The following SLC1A2 variants were observed in gnomAD, a reference collection of about 807,000 sequenced individuals.
SLC1A2 encodes the protein solute carrier family 1 member 2, also known as excitatory amino acid transporter 2.
SLC1A2 carries 15 observed loss-of-function variants against 48.8 expected under a neutral mutation model. That is an observed-to-expected ratio of 0.31 (90% CI 0.21 to 0.47). The LOEUF is 0.47. Among genes scored for constraint, SLC1A2 ranks in the 20% least tolerant of loss-of-function variants. The pLI is 0.99. For synonymous variants in SLC1A2, 279 were observed against 272.6 expected, an observed-to-expected ratio of 1.02 and a Z score of -0.23; for missense variants, 502 against 730.5, an observed-to-expected ratio of 0.69 and a Z score of 3.61.
rs1000683195 is a variant in SLC1A2 at position 35,312,110 on chromosome 11, C to T, written c.561+88G>A. ...AATTATATATTTAGAAAATTTCTAC[C>T]CAGAGTTGGTCTGTTAAAATACTCT... On this transcript the variant is annotated intron_variant, in intron 4 of 10. Coordinates refer to ENST00000278379, the MANE Select transcript of SLC1A2 (RefSeq NM_004171.4). 1.2e-5 allele frequency: 16 copies of T among 1,340,856 alleles called. No homozygotes were observed. In the Admixed American group the frequency reaches 3.0e-4, roughly 25 times the overall value. The allele number at this position is 1,340,856 out of a possible 1,614,324, so 83.1% of individuals were successfully genotyped here.
chr11:35,341,824 A>G (rs191333647), intron 1 of SLC1A2, among the ~76,000 whole-genome samples: 13 of 152,358 alleles, frequency 8.5e-5, no homozygotes, highest in Admixed American at 4.6e-4. Context: ...TTCTTTGCAG[A>G]ATTGTTTATA....
chr11:35,340,865 C>T (rs891345827), intron 1 of SLC1A2, among the ~76,000 whole-genome samples: 2 of 152,164 alleles, frequency 1.3e-5, no homozygotes, highest in Non-Finnish European at 1.5e-5. Flanking sequence ...TAAGGGTCAT[C>T]TTATTCCCCC....
At chr11:35,311,954 C>A (rs1851721544) in intron 4 of SLC1A2, among the ~76,000 whole-genome samples, 3 of 89,418 alleles carry the variant, frequency 3.4e-5, no homozygotes, top group Non-Finnish European at 6.3e-5. Context: ...GAAAGGAGGA[C>A]AATCCCACAG....
intron 4 of SLC1A2, among the ~76,000 whole-genome samples, chr11:35,310,670 C>G (rs1851658604): frequency 6.6e-6 from 1 of 152,182 alleles, no homozygotes; most frequent in Non-Finnish European, 1.5e-5. Context: ...GAAGTTTTAG[C>G]TTAGACTGCT....
At chr11:35,279,661 A>T (rs1318289409) in intron 9 of SLC1A2, among the ~76,000 whole-genome samples, 1 of 152,208 alleles carries the variant, frequency 6.6e-6, no homozygotes, top group African/African-American at 2.4e-5. Flanking sequence ...ACCATAAACA[A>T]GAATTTGTCA....
intron 6 of SLC1A2, chr11:35,298,136 G>C (rs1851229562): frequency 6.6e-6 from 1 of 152,094 alleles, no homozygotes; most frequent in South Asian, 2.1e-4. Context: ...ACCTATTTTT[G>C]TTCAGTACTA....
Position 35,281,019 on chromosome 11 carries a change from T to C in SLC1A2, c.1287-18A>G. 1 of 1,572,884 alleles carries C rather than the reference T, an allele frequency of 6.4e-7. No individual in the cohort carries two copies. The highest frequency in any genetic ancestry group is 8.6e-7 in the Non-Finnish European group (1 of 1,160,476). On this transcript the variant is annotated intron_variant, in intron 8 of 10. Coordinates refer to ENST00000278379, the MANE Select transcript of SLC1A2 (RefSeq NM_004171.4). ...CTGTGAGGCTATGAGAACAGAGAAG[T>C]TCAGGTCATGGAAATGGAAAGAATC... is the stretch of plus-strand genomic sequence containing the variant.
intron 1 of SLC1A2, among the ~76,000 whole-genome samples, chr11:35,380,046 G>GTCAT (rs1854372841): frequency 6.6e-6 from 1 of 152,126 alleles, no homozygotes; most frequent in Non-Finnish European, 1.5e-5. Flanking sequence ...TCTATAAAAG[G>GTCAT]TCATACCTGT....
At chr11:35,322,485 A>T in intron 1 of SLC1A2, 1 of 853,214 alleles carries the variant, frequency 1.2e-6, no homozygotes, top group Non-Finnish European at 1.9e-6. Context: ...TGGCAACAGA[A>T]CACTCCCCAG....
chr11:35,311,253 G>A lies in SLC1A2; in HGVS notation c.561+945C>T, dbSNP rs367825187. ...CTGCTCACTGCAATCTCTGCCTCCCGGGCTCAAGCAATTCTCTTGCCTCGG... is the reference window on the plus strand; with the variant it reads ...CTGCTCACTGCAATCTCTGCCTCCCAGGCTCAAGCAATTCTCTTGCCTCGG... On this transcript the variant is annotated intron_variant, in intron 4 of 10. Transcript: ENST00000278379. 1.4e-4 allele frequency among the ~76,000 whole-genome samples: 22 copies of A among 152,024 alleles called. No homozygotes were observed. The East Asian group carries it at 3.3e-3, about 23-fold the overall frequency.
At chr11:35,395,048 T>C (rs1274123105) in intron 1 of SLC1A2, among the ~76,000 whole-genome samples, 2 of 152,010 alleles carry the variant, frequency 1.3e-5, no homozygotes, top group Non-Finnish European at 2.9e-5. Flanking sequence ...ATGCTATCCA[T>C]AGTGATTAAC....
chr11:35,352,562 G>C (rs1853303688), intron 1 of SLC1A2, among the ~76,000 whole-genome samples: 1 of 152,172 alleles, frequency 6.6e-6, no homozygotes, highest in African/African-American at 2.4e-5. Context: ...CCATTCCAAT[G>C]CTGCCTCTTG....
Position 35,259,004 on chromosome 11 carries a change from CACCCTG to C in SLC1A2, c.*1884_*1889del, listed in dbSNP as rs144446509. ...ACTACACTTAATCATATCCCTTGAC[CACCCTG>C]ACCCTGTTTACTGCCCATCTACTGG... On this transcript the variant is annotated 3_prime_UTR_variant, in exon 11 of 11. Coordinates refer to ENST00000278379, the MANE Select transcript of SLC1A2 (RefSeq NM_004171.4). 2,544 of 151,698 alleles carry C rather than the reference CACCCTG, an allele frequency of 0.017. 57 individuals are homozygous for C. Among genetic ancestry groups the C allele is most frequent in the African/African-American group, 0.057 (2,350 of 41,174 alleles). The allele number at this position is 151,698 out of a possible 1,614,324, so 9.4% of individuals were successfully genotyped here.
At chr11:35,281,123 A>G (rs1324569695) in intron 8 of SLC1A2, 122 bp from the exon 9 acceptor site, 1 of 1,294,618 alleles carries the variant, frequency 7.7e-7, no homozygotes. Flanking sequence ...CCCACCCCAT[A>G]CTCTCCACCA....
At chr11:35,280,636 G>C (rs927688558) in intron 9 of SLC1A2, 5 of 454,420 alleles carry the variant, frequency 1.1e-5, no homozygotes, top group Non-Finnish European at 3.9e-6. Flanking sequence ...TTTTAACCTT[G>C]TGTCATAATC....
chr11:35,417,774 G>C (rs1447119151), intron 1 of SLC1A2, among the ~76,000 whole-genome samples: 1 of 152,218 alleles, frequency 6.6e-6, no homozygotes, highest in Admixed American at 6.5e-5. Flanking sequence ...CCTGGACAGA[G>C]AGACAGTTCT....
chr11:35,261,859 C>T, intron 10 of SLC1A2: 1 of 397,052 alleles, frequency 2.5e-6, no homozygotes, highest in Non-Finnish European at 4.4e-6. Context: ...CCACATACAA[C>T]ATGCTAGGAA....
At chr11:35,411,423 C>G (rs1052411539) in intron 1 of SLC1A2, among the ~76,000 whole-genome samples, 1 of 152,146 alleles carries the variant, frequency 6.6e-6, no homozygotes, top group South Asian at 2.1e-4. Context: ...AGAAATCTAT[C>G]AGATTCCAAC....
At chr11:35,310,920 T>C (rs1051677240) in intron 4 of SLC1A2, among the ~76,000 whole-genome samples, 4 of 152,184 alleles carry the variant, frequency 2.6e-5, no homozygotes, top group African/African-American at 7.2e-5. Context: ...CACTGCTACA[T>C]ACTTTTGTAG....
Sources: allele counts gnomAD v4.1 joint callset (sites outside exome capture counted in the v4.1 genomes callset), GRCh38; gene constraint gnomAD v4.1.1; transcripts MANE v1.5; gene names NCBI Gene and HGNC (gene_info 2026-07-23, HGNC 2026-07-21).